Variants in STARD13 observed in about 807,000 individuals in gnomAD.
STARD13 encodes the protein stAR-related lipid transfer protein 13.
A neutral mutation model predicts 106.4 loss-of-function variants in STARD13; 62 were observed. The ratio of observed to expected loss-of-function variants is 0.58; its 90% CI spans 0.48 to 0.72. The LOEUF is 0.72. Among genes scored for constraint, STARD13 ranks in the 30% least tolerant of loss-of-function variants. STARD13 has a pLI of 0.00. For synonymous variants in STARD13, 565 were observed against 553.0 expected (o/e 1.02, Z -0.31); for missense variants, 1,387 against 1,424.0 (o/e 0.97, Z 0.42).
chr13:33,626,937 T>A, the STARD13 span, among the ~76,000 whole-genome samples: 2 of 152,176 alleles, frequency 1.3e-5, no homozygotes, highest in Non-Finnish European at 2.9e-5. Context: ...AAAATAAAAA[T>A]TCTGGCCATC....
At chr13:33,160,462 T>C (rs1392335403) in intron 3 of STARD13, among the ~76,000 whole-genome samples, 1 of 152,118 alleles carries the variant, frequency 6.6e-6, no homozygotes, top group Admixed American at 6.5e-5. Context: ...AATTAAAAAC[T>C]TTTGTTCTGT....
At chr13:33,481,502 T>C in the STARD13 span, among the ~76,000 whole-genome samples, 1 of 152,194 alleles carries the variant, frequency 6.6e-6, no homozygotes, top group Non-Finnish European at 1.5e-5. Context: ...TAAAGGAATA[T>C]GTTAAATGCA....
the STARD13 span, among the ~76,000 whole-genome samples, chr13:33,455,515 G>C: frequency 6.6e-6 from 1 of 152,174 alleles, no homozygotes; most frequent in South Asian, 2.1e-4. Context: ...CCGGGCTTTA[G>C]TTTGAATCAA....
chr13:33,659,736 C>A, the STARD13 span: 1 of 152,154 alleles, frequency 6.6e-6, no homozygotes, highest in South Asian at 2.1e-4. Context: ...TTGGGGGAAA[C>A]CTATGTTTTA....
At chr13:33,196,242 G>T (rs1886609857) in intron 1 of STARD13, among the ~76,000 whole-genome samples, 1 of 152,030 alleles carries the variant, frequency 6.6e-6, no homozygotes, top group African/African-American at 2.4e-5. Flanking sequence ...AAAATTAGCT[G>T]GGCGTGGTGA....
chr13:33,369,655 T>C, the STARD13 span, among the ~76,000 whole-genome samples: 8 of 152,248 alleles, frequency 5.3e-5, no homozygotes, highest in Admixed American at 3.9e-4. Flanking sequence ...GCTCACTTTC[T>C]ACTTGTTTAA....
At chr13:33,644,737 G>A in the STARD13 span, among the ~76,000 whole-genome samples, 1 of 152,164 alleles carries the variant, frequency 6.6e-6, no homozygotes, top group South Asian at 2.1e-4. Context: ...GGGTGAGTCT[G>A]TGTTCCAAAA....
intron 1 of STARD13, among the ~76,000 whole-genome samples, chr13:33,307,676 G>A (rs1221984600): frequency 6.6e-6 from 1 of 152,078 alleles, no homozygotes; most frequent in Non-Finnish European, 1.5e-5. Context: ...GAGAGGGAAG[G>A]GAGAACATCA....
intron 3 of STARD13, among the ~76,000 whole-genome samples, chr13:33,156,788 T>C (rs945189479): frequency 2.0e-5 from 3 of 152,238 alleles, no homozygotes; most frequent in Non-Finnish European, 4.4e-5. Context: ...CAGTGCCTGG[T>C]ATATAATAAG....
At chr13:33,461,903 G>C in the STARD13 span, among the ~76,000 whole-genome samples, 2 of 152,134 alleles carry the variant, frequency 1.3e-5, no homozygotes, top group African/African-American at 4.8e-5. Flanking sequence ...GAATAGTTTA[G>C]TTAGCAGCAA....
the STARD13 span, among the ~76,000 whole-genome samples, chr13:33,365,161 G>A: frequency 6.6e-6 from 1 of 152,108 alleles, no homozygotes; most frequent in Non-Finnish European, 1.5e-5. Context: ...AAAGGTCCTG[G>A]GTTCCTAGGA....
chr13:33,365,696 C>T, the STARD13 span, among the ~76,000 whole-genome samples: 1 of 152,162 alleles, frequency 6.6e-6, no homozygotes. Flanking sequence ...AAGAATAAAT[C>T]ATGCTCACTG....
intron 1 of STARD13, among the ~76,000 whole-genome samples, chr13:33,183,708 A>AC (rs974802406): frequency 0.2 from 93 of 454 alleles, 1 homozygote; most frequent in African/African-American, 0.39. Flanking sequence ...ATCTGGAGGA[A>AC]CTTGGAGAAG....
chr13:33,216,561 G>C (rs1221927820), intron 1 of STARD13, among the ~76,000 whole-genome samples: 11 of 152,100 alleles, frequency 7.2e-5, no homozygotes, highest in African/African-American at 2.7e-4. Flanking sequence ...GGGGACTCTG[G>C]GGGAAAGGGT....
At chr13:33,445,747 G>C in the STARD13 span, among the ~76,000 whole-genome samples, 3 of 152,100 alleles carry the variant, frequency 2.0e-5, no homozygotes, top group Non-Finnish European at 4.4e-5. Context: ...GAGATCACAG[G>C]GAGAGAGAGG....
chr13:33,499,837 T>G, the STARD13 span, among the ~76,000 whole-genome samples: 1 of 140,052 alleles, frequency 7.1e-6, no homozygotes, highest in African/African-American at 2.6e-5. Flanking sequence ...CAATCATAGC[T>G]CACTGCAGCC....
At chr13:33,555,322 G>T in the STARD13 span, among the ~76,000 whole-genome samples, 8 of 152,198 alleles carry the variant, frequency 5.3e-5, no homozygotes, top group Admixed American at 1.3e-4. Flanking sequence ...CAAAGCTTCT[G>T]CAGGGGAGAG....
At chr13:33,211,355 T>C (rs1297791835) in intron 1 of STARD13, among the ~76,000 whole-genome samples, 1 of 152,174 alleles carries the variant, frequency 6.6e-6, no homozygotes, top group Non-Finnish European at 1.5e-5. Context: ...TTTTTATTCC[T>C]AACTTCTAAT....
chr13:33,623,427 G>GAAAAA, the STARD13 span, among the ~76,000 whole-genome samples: 1 of 49,298 alleles, frequency 2.0e-5, no homozygotes, highest in Non-Finnish European at 6.8e-5. Flanking sequence ...CCTCAATAAA[G>GAAAAA]TAAAAAAAAA....
Sources: allele counts gnomAD v4.1 joint callset (sites outside exome capture counted in the v4.1 genomes callset), GRCh38; gene constraint gnomAD v4.1.1; transcripts MANE v1.5; gene names NCBI Gene and HGNC (gene_info 2026-07-23, HGNC 2026-07-21).